UGT1A5: variants seen among roughly 807,000 people sequenced by gnomAD.
UGT1A5 encodes UDP-glucuronosyltransferase 1A5.
Under a neutral mutation model 40.3 loss-of-function variants are expected in UGT1A5, and 29 were observed. The ratio of observed to expected loss-of-function variants is 0.72; its 90% CI spans 0.54 to 0.98. The LOEUF (loss-of-function observed/expected upper bound fraction) is 0.98. Among genes scored for constraint, UGT1A5 ranks in the 50% least tolerant of loss-of-function variants. UGT1A5 has a pLI of 0.00. For synonymous variants in UGT1A5, 257 were observed against 262.5 expected, an observed-to-expected ratio of 0.98 and a Z score of 0.20; for missense variants, 678 against 677.9, an observed-to-expected ratio of 1.00 and a Z score of 0.00.
intron 1 of UGT1A5, among the ~76,000 whole-genome samples, chr2:233,724,349 A>T (rs1243720800): frequency 1.6e-5 from 2 of 126,414 alleles, no homozygotes; most frequent in Admixed American, 7.8e-5. Flanking sequence ...GACCCCCCCC[A>T]CCTCCCTCCC....
chr2:233,756,338 C>G (rs1225810729), intron 1 of UGT1A5: 2 of 152,178 alleles, frequency 1.3e-5, no homozygotes, highest in Non-Finnish European at 2.9e-5. Flanking sequence ...CTAGTCATCT[C>G]TTGATTACTT....
intron 1 of UGT1A5, chr2:233,743,546 C>G: frequency 7.3e-7 from 1 of 1,367,310 alleles, no homozygotes; most frequent in Non-Finnish European, 9.8e-7. Flanking sequence ...CTCTGACCCC[C>G]CCAAAATATT....
At chr2:233,745,811 G>C (rs148112408) in intron 1 of UGT1A5, among the ~76,000 whole-genome samples, 1 of 151,496 alleles carries the variant, frequency 6.6e-6, no homozygotes, top group East Asian at 1.9e-4. Flanking sequence ...CCAGAGTTTT[G>C]AGAGCAAGGC....
chr2:233,729,939 C>A (rs1259357082), intron 1 of UGT1A5: 3 of 1,614,034 alleles, frequency 1.9e-6, no homozygotes, highest in Admixed American at 3.3e-5. Flanking sequence ...CAATCATGCC[C>A]AACATGGTCT....
chr2:233,751,035 T>C (rs1231285641), intron 1 of UGT1A5, among the ~76,000 whole-genome samples: 3 of 151,854 alleles, frequency 2.0e-5, no homozygotes, highest in African/African-American at 7.3e-5. Context: ...TAGCTTGCAC[T>C]GTGTGCCTGG....
intron 1 of UGT1A5, chr2:233,742,978 TA>T: frequency 8.7e-6 from 2 of 230,188 alleles, no homozygotes; most frequent in Non-Finnish European, 1.7e-5. Flanking sequence ...GGCTTAAGTT[TA>T]ATAAATAGCA....
intron 1 of UGT1A5, among the ~76,000 whole-genome samples, chr2:233,726,328 C>T (rs2077525468): frequency 6.6e-6 from 1 of 152,196 alleles, no homozygotes; most frequent in Non-Finnish European, 1.5e-5. Context: ...GGAGTTTCAG[C>T]ACCTGTGGTT....
intron 1 of UGT1A5, among the ~76,000 whole-genome samples, chr2:233,734,195 T>C (rs2078497247): frequency 6.6e-6 from 1 of 152,310 alleles, no homozygotes; most frequent in African/African-American, 2.4e-5. Context: ...ATTGCCTCAA[T>C]TTCAGAGCCT....
At chr2:233,713,913 A>G in intron 1 of UGT1A5, 55 bp downstream of exon 1, 1 of 1,612,556 alleles carries the variant, frequency 6.2e-7, no homozygotes, top group Non-Finnish European at 8.5e-7. Context: ...CTTTTTAAAA[A>G]ATGTATTTAC....
intron 1 of UGT1A5, chr2:233,743,484 G>A (rs773869804): frequency 7.3e-7 from 1 of 1,367,080 alleles, no homozygotes; most frequent in Non-Finnish European, 9.8e-7. Flanking sequence ...GAAATTCACT[G>A]AAGGCAGAGA....
rs202172337 is a variant in UGT1A5 at position 233,772,279 on chromosome 2, T to C, written c.1325T>C (p.Met442Thr). The change falls in exon 5 of 5, where the codon ATG becomes ACG. Residue 442 changes from methionine to threonine, a missense_variant. Met to Thr is a moderately conservative substitution (Grantham distance 81). Transcript: ENST00000373414. ...GTGTTTAGTTACAAGGAGAACATCA[T>C]GCGCCTCTCCAGCCTTCACAAGGAC... is the stretch of plus-strand genomic sequence containing the variant. ...INDKSYKENI[M>T]RLSSLHKDRP... is the part of the protein sequence containing the mutation. 1.3e-4 allele frequency: 204 copies of C among 1,614,264 alleles called. No individual in the cohort carries two copies. Among genetic ancestry groups the C allele is most frequent in the East Asian group, 4.2e-4 (19 of 44,890 alleles).
chr2:233,724,360 G>C (rs1455285943), intron 1 of UGT1A5, among the ~76,000 whole-genome samples: 3 of 146,586 alleles, frequency 2.0e-5, no homozygotes, highest in Admixed American at 6.8e-5. Context: ...CCTCCCTCCC[G>C]GACGGGGTGG....
At chr2:233,725,486 A>G (rs1390783883) in intron 1 of UGT1A5, among the ~76,000 whole-genome samples, 10 of 152,080 alleles carry the variant, frequency 6.6e-5, no homozygotes, top group Non-Finnish European at 1.0e-4. Context: ...GAAACCAGCA[A>G]AAAGAAACCA....
intron 3 of UGT1A5, 45 bp downstream of exon 3, chr2:233,767,981 T>G: frequency 6.2e-7 from 1 of 1,614,178 alleles, no homozygotes; most frequent in Non-Finnish European, 8.5e-7. Flanking sequence ...AGGGTCAAAT[T>G]AAGAAAATGG....
chr2:233,718,911 G>C, intron 1 of UGT1A5: 2 of 1,614,072 alleles, frequency 1.2e-6, no homozygotes, highest in Non-Finnish European at 1.7e-6. Flanking sequence ...GAGTGGAAAG[G>C]TGTTGGTGGT....
At chr2:233,736,121 A>G (rs1050675156) in intron 1 of UGT1A5, among the ~76,000 whole-genome samples, 2 of 152,066 alleles carry the variant, frequency 1.3e-5, no homozygotes, top group African/African-American at 4.8e-5. Context: ...ACTTGTTTCC[A>G]TTCTCCGCAT....
chr2:233,746,059 C>T (rs188125843), intron 1 of UGT1A5, among the ~76,000 whole-genome samples: 12 of 151,720 alleles, frequency 7.9e-5, no homozygotes, highest in Admixed American at 2.0e-4. Flanking sequence ...GGGTCTAGAA[C>T]GAAAAGAGAA....
intron 1 of UGT1A5, 138 bp downstream of exon 1, chr2:233,713,996 A>C: frequency 6.4e-7 from 1 of 1,559,392 alleles, no homozygotes; most frequent in Non-Finnish European, 8.7e-7. Flanking sequence ...AATAGTCTTC[A>C]GTGAGATAAA....
chr2:233,770,680 G>C (rs940972002), intron 4 of UGT1A5: 1 of 151,464 alleles, frequency 6.6e-6, no homozygotes, highest in Non-Finnish European at 1.5e-5. Context: ...AAAAAAGAAG[G>C]TTCCAAGAAA....
Sources: allele counts gnomAD v4.1 joint callset (sites outside exome capture counted in the v4.1 genomes callset), GRCh38; gene constraint gnomAD v4.1.1; transcripts MANE v1.5; gene names NCBI Gene and HGNC (gene_info 2026-07-23, HGNC 2026-07-21).